CACNB2: variants seen among roughly 807,000 people sequenced by gnomAD.
CACNB2 encodes the protein calcium voltage-gated channel auxiliary subunit beta 2, also known as voltage-dependent L-type calcium channel subunit beta-2.
Under a neutral mutation model 73.3 loss-of-function variants are expected in CACNB2, and 42 were observed. That is an observed-to-expected ratio of 0.57 (90% CI 0.45 to 0.74). CACNB2 has a LOEUF of 0.74. CACNB2 is among the 30% of genes least tolerant of loss of function. The probability of loss-of-function intolerance (pLI) is 0.00; values close to 1 mark genes in which losing one functional copy is unlikely to be tolerated. For synonymous variants in CACNB2, 348 were observed against 310.3 expected, an observed-to-expected ratio of 1.12 and a Z score of -1.28; for missense variants, 940 against 853.0, an observed-to-expected ratio of 1.10 and a Z score of -1.27.
intron 3 of CACNB2, among the ~76,000 whole-genome samples, chr10:18,477,609 C>G (rs2048504519): frequency 1.3e-5 from 2 of 152,150 alleles, no homozygotes; most frequent in Admixed American, 1.3e-4. Flanking sequence ...CTAAAACAGT[C>G]TGTGGTCTGG....
chr10:18,353,217 C>A (rs912003818), intron 2 of CACNB2, among the ~76,000 whole-genome samples: 3 of 152,100 alleles, frequency 2.0e-5, no homozygotes, highest in Non-Finnish European at 4.4e-5. Flanking sequence ...CGAGACCACC[C>A]TGGCCAAGAT....
intron 2 of CACNB2, among the ~76,000 whole-genome samples, chr10:18,292,475 G>C (rs2039105900): frequency 6.6e-6 from 1 of 152,132 alleles, no homozygotes; most frequent in Admixed American, 6.6e-5. Context: ...GGCCAATATG[G>C]TAAAACCCCG....
chr10:18,412,065 G>T (rs2044661103), intron 3 of CACNB2, among the ~76,000 whole-genome samples: 1 of 152,212 alleles, frequency 6.6e-6, no homozygotes, highest in Admixed American at 6.5e-5. Flanking sequence ...ATAGCTGTCA[G>T]CATGTGTGTC....
At chr10:18,304,428 A>G (rs74117951) in intron 2 of CACNB2, among the ~76,000 whole-genome samples, 1,785 of 152,352 alleles carry the variant, frequency 0.012, 38 homozygotes, top group African/African-American at 0.04. Flanking sequence ...AAAGGTATTA[A>G]ATACATTTTG....
chr10:18,291,886 G>A (rs1305140936), intron 2 of CACNB2, among the ~76,000 whole-genome samples: 1 of 152,136 alleles, frequency 6.6e-6, no homozygotes, highest in African/African-American at 2.4e-5. Flanking sequence ...GAAAGCATTT[G>A]TCTTAGAAAA....
chr10:18,486,573 T>C (rs1157345888), intron 3 of CACNB2, among the ~76,000 whole-genome samples: 1 of 152,158 alleles, frequency 6.6e-6, no homozygotes, highest in Non-Finnish European at 1.5e-5. Flanking sequence ...AAAAAGCAAG[T>C]CTTGCGGCCA....
At chr10:18,260,475 G>C in intron 2 of CACNB2, 1 of 985,470 alleles carries the variant, frequency 1.0e-6, no homozygotes, top group Non-Finnish European at 1.2e-6. Flanking sequence ...GTGCGCCGCA[G>C]TGCTTGAGCG....
chr10:18,333,313 A>T (rs1459336126), intron 2 of CACNB2, among the ~76,000 whole-genome samples: 1 of 152,112 alleles, frequency 6.6e-6, no homozygotes, highest in African/African-American at 2.4e-5. Context: ...ATGGCTTCTT[A>T]GAGGGATAAA....
chr10:18,497,793 C>G (rs1338418083), intron 3 of CACNB2, among the ~76,000 whole-genome samples: 3 of 152,130 alleles, frequency 2.0e-5, no homozygotes, highest in African/African-American at 7.2e-5. Flanking sequence ...AGTAGCTGAA[C>G]AAACTCAAGT....
intron 10 of CACNB2, among the ~76,000 whole-genome samples, chr10:18,531,483 G>A (rs537304723): frequency 5.3e-5 from 8 of 152,242 alleles, no homozygotes; most frequent in East Asian, 1.9e-4. Flanking sequence ...ATACATGCGT[G>A]TATCTTTATA....
chr10:18,240,794 T>TC (rs1333226492), intron 2 of CACNB2, among the ~76,000 whole-genome samples: 1 of 151,852 alleles, frequency 6.6e-6, no homozygotes, highest in Non-Finnish European at 1.5e-5. Context: ...TTCCCTTTTC[T>TC]CCCCCATCCT....
intron 3 of CACNB2, among the ~76,000 whole-genome samples, chr10:18,490,347 G>A (rs779472295): frequency 9.2e-5 from 14 of 152,220 alleles, no homozygotes; most frequent in East Asian, 3.9e-4. Context: ...TTTACCAGTC[G>A]CCCTCATGCT....
intron 3 of CACNB2, among the ~76,000 whole-genome samples, chr10:18,446,522 A>C (rs1041405516): frequency 2.0e-5 from 3 of 152,196 alleles, no homozygotes; most frequent in African/African-American, 7.2e-5. Flanking sequence ...CTGGACAAAT[A>C]ACTGGAGACA....
chr10:18,149,978 T>C (rs1313050088), intron 1 of CACNB2, among the ~76,000 whole-genome samples: 1 of 152,202 alleles, frequency 6.6e-6, no homozygotes, highest in Non-Finnish European at 1.5e-5. Flanking sequence ...CTTGAAAAAG[T>C]TAAGAAATTT....
At chr10:18,518,480 CT>C (rs1179881091) in intron 8 of CACNB2, 64 bp downstream of exon 8, 49 of 1,077,734 alleles carry the variant, frequency 4.5e-5, no homozygotes, top group Non-Finnish European at 6.6e-5. Context: ...ATGCTGCCTC[CT>C]ACTCCCGACC....
chr10:18,485,626 A>G (rs1287074671), intron 3 of CACNB2, among the ~76,000 whole-genome samples: 1 of 148,108 alleles, frequency 6.8e-6, no homozygotes, highest in African/African-American at 2.5e-5. Flanking sequence ...CAGTGGAACA[A>G]TCTTGGCTCA....
intron 2 of CACNB2, among the ~76,000 whole-genome samples, chr10:18,193,282 T>TTA (rs2034487073): frequency 6.6e-6 from 1 of 151,406 alleles, no homozygotes; most frequent in African/African-American, 2.4e-5. Context: ...TTTTTTTTTT[T>TTA]ACAGTGATTG....
At chr10:18,158,184 A>T (rs955987930) in intron 2 of CACNB2, among the ~76,000 whole-genome samples, 3 of 152,156 alleles carry the variant, frequency 2.0e-5, no homozygotes, top group Admixed American at 6.5e-5. Context: ...GCGGAGGCTG[A>T]TGTGGGCCCA....
intron 2 of CACNB2, among the ~76,000 whole-genome samples, chr10:18,362,746 G>A (rs955420880): frequency 6.6e-6 from 1 of 152,052 alleles, no homozygotes; most frequent in Non-Finnish European, 1.5e-5. Flanking sequence ...GTGAAAACCC[G>A]TCTCTACCAA....
Sources: gnomAD v4.1 joint callset for allele counts (sites outside exome capture counted in the v4.1 genomes callset) on GRCh38, gnomAD v4.1.1 for gene constraint, MANE v1.5 for transcripts, NCBI Gene and HGNC (gene_info 2026-07-23, HGNC 2026-07-21) for gene names.